Variants in KMT2D observed in about 807,000 individuals in gnomAD.
KMT2D encodes lysine methyltransferase 2D, also known as histone-lysine N-methyltransferase 2D.
KMT2D carries 55 observed loss-of-function variants against 512.7 expected under a neutral mutation model. The observed-to-expected ratio is 0.11, with a 90% CI of 0.09 to 0.13. The LOEUF (loss-of-function observed/expected upper bound fraction) is 0.13. Among genes scored for constraint, KMT2D ranks in the 10% least tolerant of loss-of-function variants. The pLI is 1.00. For synonymous variants in KMT2D, 2,995 were observed against 2,904.0 expected, an observed-to-expected ratio of 1.03 and a Z score of -1.01; for missense variants, 6,061 against 7,127.9, an observed-to-expected ratio of 0.85 and a Z score of 5.39.
intron 43 of KMT2D, 127 bp downstream of exon 43, chr12:49,030,153 A>G: frequency 1.4e-6 from 1 of 739,466 alleles, no homozygotes; most frequent in Non-Finnish European, 2.2e-6. Flanking sequence ...TTCCTACCTC[A>G]GGTGCCCTGT....
At position 49,050,864 on chromosome 12, in the gene KMT2D, CAG is replaced by C; in HGVS notation, c.2797+20_2797+21del. On this transcript the variant is annotated intron_variant, in intron 11 of 54. Transcript: ENST00000301067. The stretch of plus-strand genomic sequence containing the variant: ...AAGAGTTACAGCTGTTCCAGAATAA[CAG>C]AGTACTAACATCCCCTTACCTGGTG... 1 of 1,548,068 alleles carries C rather than the reference CAG, an allele frequency of 6.5e-7. No homozygotes were observed. The highest frequency in any genetic ancestry group is 1.2e-5 in the South Asian group (1 of 81,356).
intron 49 of KMT2D, 86 bp from the exon 50 acceptor site, chr12:49,025,032 T>C: frequency 6.9e-7 from 1 of 1,447,504 alleles, no homozygotes; most frequent in Non-Finnish European, 9.4e-7. Context: ...AACTGCAGTT[T>C]TCTGAGGCCT....
In KMT2D at chr12:49,030,187, G is replaced by C. The variant is rs538337446; in HGVS notation, c.13999+93C>G. On this transcript the variant is annotated intron_variant, in intron 43 of 54. Transcript: ENST00000301067. The stretch of plus-strand genomic sequence containing the variant: ...GTTATGTAAACACACAGGACAGCAG[G>C]CAACCCACTAATTTCTAAACTGTAC... The C allele has an allele frequency of 3.3e-5, 37 of 1,113,392 alleles. No individual in the cohort carries two copies. The African/African-American group carries it at 5.1e-4, about 15-fold the overall frequency. 69.0% of individuals were successfully genotyped at this position (1,113,392 alleles called of 1,614,324 possible).
chr12:49,030,828 A>G, intron 41 of KMT2D, 60 bp from the exon 42 acceptor site: 1 of 1,612,488 alleles, frequency 6.2e-7, no homozygotes, highest in South Asian at 1.1e-5. Context: ...TGTCTTGCAC[A>G]GCTGGGGGAC....
Position 49,039,442 on chromosome 12 carries a change from C to A in KMT2D, c.8222G>T (p.Gly2741Val). The A allele has an allele frequency of 6.3e-7, 1 of 1,599,056 alleles. No homozygotes were observed. Residue 2741 changes from glycine (G) to valine (V), a missense_variant, in exon 33 of 55, where the codon GGG becomes GTG. Gly to Val is a moderately radical substitution (Grantham distance 109, BLOSUM62 -3). This residue lies in a region of KMT2D where 527 missense variants were observed against 578.9 expected (regional missense o/e 0.91). Transcript: ENST00000301067. The surrounding 1 kb of genome is among the most constrained non-coding windows in gnomAD (Gnocchi z 5.0). ...QLSRGQTPFA[G>V]TQDKSSLVGL... is the part of the protein sequence containing the mutation. ...CCTTGCCACTCTACCTACCTGTGTC[C>A]CAGCAAAGGGGGTCTGGCCTCGACT...
At position 49,024,775 on chromosome 12, in the gene KMT2D, C is replaced by T. The variant is rs1174950862; in HGVS notation, c.15921+35G>A. 3 of 1,608,454 alleles carry T rather than the reference C, an allele frequency of 1.9e-6. No individual in the cohort carries two copies. The South Asian group carries it at 3.3e-5, about 18-fold the overall frequency. On this transcript the variant is annotated intron_variant, in intron 50 of 54. Coordinates refer to ENST00000301067, the MANE Select transcript of KMT2D (RefSeq NM_003482.4). This position sits in a 1 kb window ranked among gnomAD's most constrained non-coding sequence, Gnocchi z 4.5. ...GGGGTTAGGCCAAAGTTCTCAGTGC[C>T]CGCCAAGCCCCCCAGCTCCCAGCCC...
At position 49,042,528 on chromosome 12, in the gene KMT2D, G is replaced by A. The variant is rs916401684; in HGVS notation, c.5867+33C>T. On this transcript the variant is annotated intron_variant, in intron 28 of 54. Transcript: ENST00000301067. The surrounding 1 kb of genome is among the most constrained non-coding windows in gnomAD (Gnocchi z 4.4). ...TCAGATGGAGGGAAAGGACAACGAG[G>A]ACTGCCCACAAAGGTTACGCAGAGA... The A allele has an allele frequency of 2.6e-5, 41 of 1,604,470 alleles. No individual in the cohort carries two copies. Among genetic ancestry groups the A allele is most frequent in the Non-Finnish European group, 3.4e-5 (40 of 1,172,944 alleles).
In KMT2D at chr12:49,050,466, T is replaced by A; in HGVS notation, c.3122A>T (p.Gln1041Leu). The A allele has an allele frequency of 1.2e-6, 2 of 1,613,502 alleles. No homozygotes were observed. Among genetic ancestry groups the A allele is most frequent in the Non-Finnish European group, 1.7e-6 (2 of 1,179,678 alleles). Residue 1041 changes from glutamine (Q) to leucine (L), a missense_variant, in exon 12 of 55, where the codon CAG (glutamine) becomes CTG (leucine). Gln to Leu is a moderately radical substitution (Grantham distance 113, BLOSUM62 -2). Coordinates refer to ENST00000301067, the MANE Select transcript of KMT2D (RefSeq NM_003482.4). Reference sequence around the variant, plus strand: ...CAGTGGTAGGGCAGGAGGAGAGCACTGGGAAGGAGGGGAGTTTTGGGGAAC... The same window carrying A: ...CAGTGGTAGGGCAGGAGGAGAGCACAGGGAAGGAGGGGAGTTTTGGGGAAC... ...SLVPQNSPPS[Q>L]CSPPALPLSV...
At position 49,040,979 on chromosome 12, in the gene KMT2D, C is replaced by G. The variant is rs568006089; in HGVS notation, c.6791G>C (p.Gly2264Ala). 23 of 1,607,244 alleles carry G rather than the reference C, an allele frequency of 1.4e-5. 1 individual carries two copies. Among genetic ancestry groups the G allele is most frequent in the Middle Eastern group, 1.7e-4 (1 of 6,034 alleles). The change falls in exon 32 of 55, where the codon GGG (glycine) becomes GCG (alanine). Residue 2264 changes from glycine to alanine, a missense_variant. Physicochemically the swap from Gly to Ala is moderately conservative, Grantham distance 60. This residue lies in a region of KMT2D where 710 missense variants were observed against 647.3 expected (regional missense o/e 1.10). Transcript: ENST00000301067. ...CAGGGGCTCGGAAGCTTTGCCTCCCCCTACCCCAGGGCTCTCAGGCACAGC... is the reference window on the plus strand; with the variant it reads ...CAGGGGCTCGGAAGCTTTGCCTCCCGCTACCCCAGGGCTCTCAGGCACAGC... Reference protein sequence around the residue: ...NLAVPESPGVGGGKASEPLLS... With the variant: ...NLAVPESPGVAGGKASEPLLS...
At chr12:49,034,962 G>A (rs1943143582) in intron 35 of KMT2D, 27 bp from the exon 36 acceptor site, 1 of 1,612,708 alleles carries the variant, frequency 6.2e-7, no homozygotes, top group Non-Finnish European at 8.5e-7. Flanking sequence ...CAAGTGAGCT[G>A]GGCTATGGGG....
intron 51 of KMT2D, among the ~76,000 whole-genome samples, chr12:49,023,882 G>A (rs1207934676): frequency 6.6e-6 from 1 of 152,246 alleles, no homozygotes; most frequent in African/African-American, 2.4e-5. Context: ...CACAGATTCT[G>A]CCTCCCTCTA....
In KMT2D at chr12:49,022,976, A is replaced by T. The variant is rs1344890127; in HGVS notation, c.16053-101T>A. 1.6e-6 allele frequency: 2 copies of T among 1,262,652 alleles called. No individual in the cohort carries two copies. The highest frequency in any genetic ancestry group is 1.5e-5 in the African/African-American group (1 of 66,176). 78.2% of individuals were successfully genotyped at this position (1,262,652 alleles called of 1,614,324 possible). A position where few individuals can be genotyped will look rare whatever the true frequency, so the allele number is the denominator to read the frequency against. On this transcript the variant is annotated intron_variant, in intron 51 of 54. Coordinates refer to ENST00000301067, the MANE Select transcript of KMT2D (RefSeq NM_003482.4). The surrounding 1 kb of genome is among the most constrained non-coding windows in gnomAD (Gnocchi z 8.6). Reference sequence around the variant, plus strand: ...TCCTGGGATGTGCAACACACCAGTTAGGGGCGTGTGCTGCTGGCAAGCACT... The same window carrying T: ...TCCTGGGATGTGCAACACACCAGTTTGGGGCGTGTGCTGCTGGCAAGCACT...
At position 49,037,192 on chromosome 12, in the gene KMT2D, G is replaced by A. The variant is rs757841676; in HGVS notation, c.10164C>T (p.Ser3388=). ...CCAATTGCTGCGGCTTCATGCACATGGAAGGTGGCATGGTGCCCATGGGCT... is the reference window on the plus strand; with the variant it reads ...CCAATTGCTGCGGCTTCATGCACATAGAAGGTGGCATGGTGCCCATGGGCT... ...SQKPMGTMPP[S]MCMKPQQLAM... Residue 3388 remains serine (S), a synonymous_variant, in exon 35 of 55, where the codon TCC becomes TCT. Coordinates refer to ENST00000301067, the MANE Select transcript of KMT2D (RefSeq NM_003482.4). The A allele has an allele frequency of 6.2e-7, 1 of 1,606,572 alleles. No individual in the cohort carries two copies. The highest frequency in any genetic ancestry group is 8.5e-7 in the Non-Finnish European group (1 of 1,174,056).
In KMT2D at chr12:49,048,759, A is replaced by G. The variant is rs756747399; in HGVS notation, c.4031T>C (p.Ile1344Thr). The G allele has an allele frequency of 1.5e-5, 24 of 1,603,030 alleles. No individual in the cohort carries two copies. Among genetic ancestry groups the G allele is most frequent in the African/African-American group, 5.4e-5 (4 of 74,646 alleles). Residue 1344 changes from isoleucine to threonine, a missense_variant, in exon 14 of 55, where the codon ATT (isoleucine) becomes ACT (threonine). Ile to Thr is a moderately conservative substitution (Grantham distance 89, BLOSUM62 -1). This residue lies in a region of KMT2D where 447 missense variants were observed against 500.1 expected (regional missense o/e 0.89). Coordinates refer to ENST00000301067, the MANE Select transcript of KMT2D (RefSeq NM_003482.4). ...CTCCTCCTTACTGGGAGAGCTATCA[A>G]TGTCAGCAACCTGATGGGCAGAGAG... Reference protein sequence around the residue: ...SSIETLVVADIDSSPSKEEEE... With the variant: ...SSIETLVVADTDSSPSKEEEE...
Position 49,030,735 on chromosome 12 carries a change from T to C in KMT2D, c.13705A>G (p.Ile4569Val), listed in dbSNP as rs745652015. 8 of 1,613,656 alleles carry C rather than the reference T, an allele frequency of 5.0e-6. No individual in the cohort carries two copies. The highest frequency in any genetic ancestry group is 4.5e-5 in the East Asian group (2 of 44,864). Reference sequence around the variant, plus strand: ...GCAAAGAGGCTAAAATTGGCGGTGATAGCAGGCTCCGTTAGGGGCAGCAGG... The same window carrying C: ...GCAAAGAGGCTAAAATTGGCGGTGACAGCAGGCTCCGTTAGGGGCAGCAGG... The part of the protein sequence containing the change: ...LSLLPLTEPA[I>V]TANFSLFAPF... Residue 4569 changes from isoleucine to valine, a missense_variant, in exon 42 of 55, where the codon ATC (isoleucine) becomes GTC (valine). Around this residue, in one of 16 missense-constraint regions of KMT2D, gnomAD observed 1,600 missense variants for 1,754.9 expected, o/e 0.91. Transcript: ENST00000301067.
In KMT2D at chr12:49,029,005, C is replaced by A. The variant is rs984721822; in HGVS notation, c.14252-47G>T. The A allele has an allele frequency of 5.0e-6, 8 of 1,608,438 alleles. No homozygotes were observed. In the Middle Eastern group the frequency reaches 5.0e-4, roughly 100 times the overall value. On this transcript the variant is annotated intron_variant, in intron 45 of 54. Coordinates refer to ENST00000301067, the MANE Select transcript of KMT2D (RefSeq NM_003482.4). Reference sequence around the variant, plus strand: ...GTGTAACACTTGGCCGCCTCTCCCCCAGCTTCGGACAACCCAGGTGAACTG... The same window carrying A: ...GTGTAACACTTGGCCGCCTCTCCCCAAGCTTCGGACAACCCAGGTGAACTG...
At chr12:49,043,835 C>T (rs1302518491) in intron 23 of KMT2D, 33 bp downstream of exon 23, 1 of 1,613,978 alleles carries the variant, frequency 6.2e-7, no homozygotes. Flanking sequence ...AGGGCACAGA[C>T]ACCTCCCTCA....
Position 49,050,809 on chromosome 12 carries a change from A to G in KMT2D, c.2798-19T>C. 1 of 1,590,454 alleles carries G rather than the reference A, an allele frequency of 6.3e-7. No individual in the cohort carries two copies. On this transcript the variant is annotated intron_variant, in intron 11 of 54. Coordinates refer to ENST00000301067, the MANE Select transcript of KMT2D (RefSeq NM_003482.4). ...AGGGGATCTGGAAGGAAAGAGAAAA[A>G]AGAAGGGCTCTTAGATTAGATGTGC...
chr12:49,026,658 C>T lies in KMT2D; in HGVS notation c.15308G>A (p.Ser5103Asn), dbSNP rs1942607808. ...SLCQRTGATS[S>N]CNRMRCPNVY... is the part of the protein sequence containing the mutation. ...ATTGGGGCAACGCATGCGATTGCAGCTGCTGGTGGCACCAGTTCGCTGGCA... is the reference window on the plus strand; with the variant it reads ...ATTGGGGCAACGCATGCGATTGCAGTTGCTGGTGGCACCAGTTCGCTGGCA... Residue 5103 changes from serine to asparagine, a missense_variant, in exon 49 of 55, where the codon AGC becomes AAC. Coordinates refer to ENST00000301067, the MANE Select transcript of KMT2D (RefSeq NM_003482.4). This position sits in a 1 kb window ranked among gnomAD's most constrained non-coding sequence, Gnocchi z 9.6. 6.2e-7 allele frequency: 1 copy of T among 1,613,922 alleles called. No individual in the cohort carries two copies. The highest frequency in any genetic ancestry group is 8.5e-7 in the Non-Finnish European group (1 of 1,179,908).
Sources: gnomAD v4.1 joint callset for allele counts (sites outside exome capture counted in the v4.1 genomes callset) on GRCh38, gnomAD v4.1.1 for gene constraint, gnomAD v4.1.1 regional missense constraint, Gnocchi (gnomAD v3.1) non-coding constraint, MANE v1.5 for transcripts, NCBI Gene and HGNC (gene_info 2026-07-23, HGNC 2026-07-21) for gene names.